PCDHB14: variants seen among roughly 807,000 people sequenced by gnomAD.
The protein encoded by PCDHB14 is protocadherin beta-14.
For synonymous variants in PCDHB14, 511 were observed against 441.5 expected (o/e 1.16, Z -1.97); for missense variants, 1,129 against 1,000.5 (o/e 1.13, Z -1.73).
In PCDHB14 at chr5:141,226,208, T is replaced by C. The variant is rs556024671; in HGVS notation, c.*306T>C. On this transcript the variant is annotated 3_prime_UTR_variant, in exon 1 of 1. Transcript: ENST00000239449. ...TTATTTGGATATGCAAACTAAAGTA[T>C]TAAGAGCTAATGTCATTATATATGT... 137 of 287,014 alleles carry C rather than the reference T, an allele frequency of 4.8e-4. 1 individual carries two copies. In the Middle Eastern group the frequency reaches 7.6e-3, roughly 16 times the overall value. 17.8% of individuals were successfully genotyped at this position (287,014 alleles called of 1,614,324 possible).
In PCDHB14 at chr5:141,224,883, G is replaced by A; in HGVS notation, c.1378G>A (p.Val460Ile). 1.9e-6 allele frequency: 3 copies of A among 1,613,362 alleles called. No individual in the cohort carries two copies. The highest frequency in any genetic ancestry group is 2.2e-5 in the East Asian group (1 of 44,866). ...CACCCAAACCTCCTACACCCTGTTCGTCCGCGAGAACAACAGCCCCGCCCT... is the reference window on the plus strand; with the variant it reads ...CACCCAAACCTCCTACACCCTGTTCATCCGCGAGAACAACAGCCCCGCCCT... ...TFTQTSYTLF[V>I]RENNSPALHI... The change falls in exon 1 of 1, where the codon GTC (valine) becomes ATC (isoleucine). Residue 460 changes from valine to isoleucine, a missense_variant. By Grantham distance (29) the Val-to-Ile change is conservative (BLOSUM62 3). Transcript: ENST00000239449.
chr5:141,225,217 C>G lies in PCDHB14; in HGVS notation c.1712C>G (p.Pro571Arg). Reference protein sequence around the residue: ...VLYPLQNGSAPCTELVPRAAE... With the variant: ...VLYPLQNGSARCTELVPRAAE... ...TACCCGCTGCAGAACGGCTCCGCGC[C>G]CTGCACCGAGCTGGTGCCCCGGGCG... Residue 571 changes from proline (P) to arginine (R), a missense_variant, in exon 1 of 1, where the codon CCC (proline) becomes CGC (arginine). By Grantham distance (103) the Pro-to-Arg change is moderately radical. Transcript: ENST00000239449. The G allele has an allele frequency of 6.2e-7, 1 of 1,605,126 alleles. No homozygotes were observed. The highest frequency in any genetic ancestry group is 1.3e-5 in the African/African-American group (1 of 74,906).
At position 141,225,253 on chromosome 5, in the gene PCDHB14, G is replaced by A. The variant is rs782237114; in HGVS notation, c.1748G>A (p.Gly583Asp). The stretch of plus-strand genomic sequence containing the variant: ...CTGGTGCCCCGGGCGGCCGAGCCGG[G>A]CTACCTGGTGACCAAGGTGGTGGCG... ...TELVPRAAEP[G>D]YLVTKVVAVD... The change falls in exon 1 of 1, where the codon GGC becomes GAC. Residue 583 changes from glycine to aspartate, a missense_variant. Coordinates refer to ENST00000239449, the MANE Select transcript of PCDHB14 (RefSeq NM_018934.4). 3.0e-5 allele frequency: 48 copies of A among 1,599,464 alleles called. No homozygotes were observed. The highest frequency in any genetic ancestry group is 3.9e-5 in the Non-Finnish European group (46 of 1,177,132).
In PCDHB14 at chr5:141,225,682, C is replaced by G. The variant is rs151039972; in HGVS notation, c.2177C>G (p.Ser726Trp). The G allele has an allele frequency of 1.2e-6, 2 of 1,614,014 alleles. No individual in the cohort carries two copies. The highest frequency in any genetic ancestry group is 1.7e-6 in the Non-Finnish European group (2 of 1,180,044). ...RSRAASVGRCSVPEGPFPGHL... is the reference protein window; with the variant it reads ...RSRAASVGRCWVPEGPFPGHL... Reference sequence around the variant, plus strand: ...AGGGCGGCCTCGGTGGGTCGCTGCTCGGTGCCCGAGGGTCCCTTTCCAGGG... The same window carrying G: ...AGGGCGGCCTCGGTGGGTCGCTGCTGGGTGCCCGAGGGTCCCTTTCCAGGG... The change falls in exon 1 of 1, where the codon TCG becomes TGG. Residue 726 changes from serine to tryptophan, a missense_variant. Transcript: ENST00000239449.
In PCDHB14 at chr5:141,225,064, A is replaced by C. The variant is rs781845309; in HGVS notation, c.1559A>C (p.Asp520Ala). The C allele has an allele frequency of 1.2e-6, 2 of 1,612,454 alleles. No homozygotes were observed. Among genetic ancestry groups the C allele is most frequent in the Non-Finnish European group, 1.7e-6 (2 of 1,179,920 alleles). ...CACCTGTTTGCCCTCAGGTCGCTGG[A>C]CTACGAGGCCCTACAGGAGTTCGAG... ...NGHLFALRSL[D>A]YEALQEFEFR... The change falls in exon 1 of 1, where the codon GAC becomes GCC. Residue 520 changes from aspartate (D) to alanine (A), a missense_variant. Coordinates refer to ENST00000239449, the MANE Select transcript of PCDHB14 (RefSeq NM_018934.4).
Position 141,225,682 on chromosome 5 carries a change from C to T in PCDHB14, c.2177C>T (p.Ser726Leu), listed in dbSNP as rs151039972. ...AGGGCGGCCTCGGTGGGTCGCTGCT[C>T]GGTGCCCGAGGGTCCCTTTCCAGGG... ...RSRAASVGRC[S>L]VPEGPFPGHL... Residue 726 changes from serine to leucine, a missense_variant, in exon 1 of 1, where the codon TCG becomes TTG. Transcript: ENST00000239449. 359 of 1,614,130 alleles carry T rather than the reference C, an allele frequency of 2.2e-4. No individual in the cohort carries two copies. In the African/African-American group the frequency reaches 4.5e-3, roughly 20 times the overall value.
chr5:141,223,923 A>G lies in PCDHB14; in HGVS notation c.418A>G (p.Ile140Val), dbSNP rs1254002257. Residue 140 changes from isoleucine to valine, a missense_variant, in exon 1 of 1, where the codon ATT becomes GTT. By Grantham distance (29) the Ile-to-Val change is conservative. Transcript: ENST00000239449. ...SPTFLDKEIL[I>V]KISEGTTVGA... ...TACATTTCTAGACAAGGAAATACTT[A>G]TTAAAATATCAGAAGGTACCACTGT... 6.2e-7 allele frequency: 1 copy of G among 1,613,924 alleles called. No individual in the cohort carries two copies. Among genetic ancestry groups the G allele is most frequent in the East Asian group, 2.2e-5 (1 of 44,894 alleles).
Position 141,226,111 on chromosome 5 carries a change from C to G in PCDHB14, c.*209C>G. ...TTTTCTGGTTTTTCATTTATTTGGC[C>G]AAAATGTTATATTAATGGAGTTATT... On this transcript the variant is annotated 3_prime_UTR_variant, in exon 1 of 1. Coordinates refer to ENST00000239449, the MANE Select transcript of PCDHB14 (RefSeq NM_018934.4). The G allele has an allele frequency of 1.7e-6, 1 of 573,868 alleles. No individual in the cohort carries two copies. The highest frequency in any genetic ancestry group is 3.1e-6 in the Non-Finnish European group (1 of 327,664). 35.5% of individuals were successfully genotyped at this position (573,868 alleles called of 1,614,324 possible).
In PCDHB14 at chr5:141,226,139, T is replaced by C; in HGVS notation, c.*237T>C. 3 of 505,796 alleles carry C rather than the reference T, an allele frequency of 5.9e-6. No homozygotes were observed. The highest frequency in any genetic ancestry group is 3.0e-5 in the South Asian group (1 of 32,954). 31.3% of individuals were successfully genotyped at this position (505,796 alleles called of 1,614,324 possible). ...AATGTTATATTAATGGAGTTATTGC[T>C]ATTTTTGCTGTGATAATGGTATTAT... is the stretch of plus-strand genomic sequence containing the variant. On this transcript the variant is annotated 3_prime_UTR_variant, in exon 1 of 1. Coordinates refer to ENST00000239449, the MANE Select transcript of PCDHB14 (RefSeq NM_018934.4).
At position 141,225,102 on chromosome 5, in the gene PCDHB14, G is replaced by A; in HGVS notation, c.1597G>A (p.Ala533Thr). The change falls in exon 1 of 1, where the codon GCC (alanine) becomes ACC (threonine). Residue 533 changes from alanine (A) to threonine (T), a missense_variant. Transcript: ENST00000239449. ...ALQEFEFRVGATDRGSPALSS... is the reference protein window; with the variant it reads ...ALQEFEFRVGTTDRGSPALSS... Reference sequence around the variant, plus strand: ...ACAGGAGTTCGAGTTTCGCGTGGGCGCCACAGACCGCGGGTCCCCGGCGTT... The same window carrying A: ...ACAGGAGTTCGAGTTTCGCGTGGGCACCACAGACCGCGGGTCCCCGGCGTT... 3 of 1,612,102 alleles carry A rather than the reference G, an allele frequency of 1.9e-6. No individual in the cohort carries two copies. Among genetic ancestry groups the A allele is most frequent in the Non-Finnish European group, 2.5e-6 (3 of 1,179,842 alleles).
At position 141,227,663 on chromosome 5, in the gene PCDHB14, G is replaced by A. The variant is rs1296855137; in HGVS notation, c.*1761G>A. On this transcript the variant is annotated 3_prime_UTR_variant, in exon 1 of 1. Coordinates refer to ENST00000239449, the MANE Select transcript of PCDHB14 (RefSeq NM_018934.4). ...CTTAGATTTCTTCCCTCTACTTTAT[G>A]CAATTATCACTGATTTTATTTTTCG... The A allele has an allele frequency of 2.6e-5, 4 of 152,122 alleles. No individual in the cohort carries two copies. The highest frequency in any genetic ancestry group is 9.7e-5 in the African/African-American group (4 of 41,448). 9.4% of individuals were successfully genotyped at this position (152,122 alleles called of 1,614,324 possible).
In PCDHB14 at chr5:141,224,828, C is replaced by T. The variant is rs201193080; in HGVS notation, c.1323C>T (p.Leu441=). Residue 441 remains leucine (L), a synonymous_variant, in exon 1 of 1, where the codon CTC becomes CTT. Coordinates refer to ENST00000239449, the MANE Select transcript of PCDHB14 (RefSeq NM_018934.4). ...LKTEYNITVL[L]SDVNDNAPTF... ...CCGAGTACAACATAACCGTGCTGCT[C>T]TCTGACGTCAATGACAACGCCCCCA... The T allele has an allele frequency of 2.5e-6, 4 of 1,614,074 alleles. No individual in the cohort carries two copies. The highest frequency in any genetic ancestry group is 1.3e-5 in the African/African-American group (1 of 75,046).
In PCDHB14 at chr5:141,224,524, T is replaced by C; in HGVS notation, c.1019T>C (p.Ile340Thr). The C allele has an allele frequency of 6.2e-7, 1 of 1,612,730 alleles. No homozygotes were observed. Among genetic ancestry groups the C allele is most frequent in the Non-Finnish European group, 8.5e-7 (1 of 1,179,684 alleles). The change falls in exon 1 of 1, where the codon ATA (isoleucine) becomes ACA (threonine). Residue 340 changes from isoleucine to threonine, a missense_variant. By Grantham distance (89) the Ile-to-Thr change is moderately conservative (BLOSUM62 -1). Coordinates refer to ENST00000239449, the MANE Select transcript of PCDHB14 (RefSeq NM_018934.4). ...ACCCTTCTAGTTAAAGTTATGGATA[T>C]AAACGACAACCCACCAGAAGTGACC... ...KCTLLVKVMD[I>T]NDNPPEVTIS... is the part of the protein sequence containing the mutation.
In PCDHB14 at chr5:141,225,048, G is replaced by A. The variant is rs376196473; in HGVS notation, c.1543G>A (p.Ala515Thr). 3.7e-6 allele frequency: 6 copies of A among 1,612,436 alleles called. No homozygotes were observed. The African/African-American group carries it at 6.7e-5, about 18-fold the overall frequency. ...CAACGCGGACAATGGCCACCTGTTT[G>A]CCCTCAGGTCGCTGGACTACGAGGC... The part of the protein sequence containing the change: ...SINADNGHLF[A>T]LRSLDYEALQ... Residue 515 changes from alanine to threonine, a missense_variant, in exon 1 of 1, where the codon GCC (alanine) becomes ACC (threonine). By Grantham distance (58) the Ala-to-Thr change is moderately conservative. Coordinates refer to ENST00000239449, the MANE Select transcript of PCDHB14 (RefSeq NM_018934.4).
At position 141,223,932 on chromosome 5, in the gene PCDHB14, T is replaced by C. The variant is rs1554289066; in HGVS notation, c.427T>C (p.Ser143Pro). The change falls in exon 1 of 1, where the codon TCA (serine) becomes CCA (proline). Residue 143 changes from serine to proline, a missense_variant. Physicochemically the swap from Ser to Pro is moderately conservative, Grantham distance 74. Coordinates refer to ENST00000239449, the MANE Select transcript of PCDHB14 (RefSeq NM_018934.4). ...AGACAAGGAAATACTTATTAAAATA[T>C]CAGAAGGTACCACTGTTGGAGCTAC... Reference protein sequence around the residue: ...FLDKEILIKISEGTTVGATFL... With the variant: ...FLDKEILIKIPEGTTVGATFL... 1 of 1,614,064 alleles carries C rather than the reference T, an allele frequency of 6.2e-7. No individual in the cohort carries two copies. Among genetic ancestry groups the C allele is most frequent in the Non-Finnish European group, 8.5e-7 (1 of 1,179,990 alleles).
In PCDHB14 at chr5:141,226,038, T is replaced by C. The variant is rs1426849522; in HGVS notation, c.*136T>C. On this transcript the variant is annotated 3_prime_UTR_variant, in exon 1 of 1. Coordinates refer to ENST00000239449, the MANE Select transcript of PCDHB14 (RefSeq NM_018934.4). ...AGCTCTTGTTTTTCTCACAGTTTCT[T>C]TAAAAATCTTTATTAGTGGCTATAA... 1.3e-6 allele frequency: 1 copy of C among 799,144 alleles called. No homozygotes were observed. Among genetic ancestry groups the C allele is most frequent in the Non-Finnish European group, 1.9e-6 (1 of 513,884 alleles). 49.5% of individuals were successfully genotyped at this position (799,144 alleles called of 1,614,324 possible). A position where few individuals can be genotyped will look rare whatever the true frequency, so the allele number is the denominator to read the frequency against.
In PCDHB14 at chr5:141,223,532, G is replaced by A. The variant is rs782423119; in HGVS notation, c.27G>A (p.Leu9=). 8.1e-6 allele frequency: 13 copies of A among 1,612,328 alleles called. No homozygotes were observed. Among genetic ancestry groups the A allele is most frequent in the Non-Finnish European group, 1.0e-5 (12 of 1,178,718 alleles). MEIRGALD[L]RKRQVLIFLV... is the part of the protein sequence containing the mutation. ...TGGAGATCAGAGGGGCACTCGATCT[G>A]CGAAAAAGGCAAGTTCTAATATTCC... Residue 9 remains leucine, a synonymous_variant, in exon 1 of 1, where the codon CTG becomes CTA. Coordinates refer to ENST00000239449, the MANE Select transcript of PCDHB14 (RefSeq NM_018934.4).
rs782313425 is a variant in PCDHB14 at position 141,225,565 on chromosome 5, C to A, written c.2060C>A (p.Thr687Asn). Residue 687 changes from threonine to asparagine, a missense_variant, in exon 1 of 1, where the codon ACC becomes AAC. Thr to Asn is a moderately conservative substitution (Grantham distance 65). Coordinates refer to ENST00000239449, the MANE Select transcript of PCDHB14 (RefSeq NM_018934.4). ...APAQAQADSL[T>N]VYLVVALASV... ...GCCCAGGCCCAGGCCGACTCCCTCA[C>A]CGTCTACCTGGTGGTGGCATTGGCC... 2 of 1,611,152 alleles carry A rather than the reference C, an allele frequency of 1.2e-6. No homozygotes were observed. The highest frequency in any genetic ancestry group is 1.7e-6 in the Non-Finnish European group (2 of 1,179,792).
In PCDHB14 at chr5:141,224,538, C is replaced by A; in HGVS notation, c.1033C>A (p.Pro345Thr). 1 of 1,612,300 alleles carries A rather than the reference C, an allele frequency of 6.2e-7. No individual in the cohort carries two copies. Among genetic ancestry groups the A allele is most frequent in the South Asian group, 1.1e-5 (1 of 90,680 alleles). The part of the protein sequence containing the change: ...VKVMDINDNP[P>T]EVTISSITKR... Reference sequence around the variant, plus strand: ...AGTTATGGATATAAACGACAACCCACCAGAAGTGACCATATCGTCGATTAC... The same window carrying A: ...AGTTATGGATATAAACGACAACCCAACAGAAGTGACCATATCGTCGATTAC... Residue 345 changes from proline to threonine, a missense_variant, in exon 1 of 1, where the codon CCA (proline) becomes ACA (threonine). Transcript: ENST00000239449.
Sources: gnomAD v4.1 joint callset for allele counts on GRCh38, gnomAD v4.1.1 for gene constraint, MANE v1.5 for transcripts, NCBI Gene and HGNC (gene_info 2026-07-23, HGNC 2026-07-21) for gene names.